Variants in CDK8 observed in about 807,000 individuals in gnomAD.
The protein encoded by CDK8 is cyclin dependent kinase 8.
A neutral mutation model predicts 71.5 loss-of-function variants in CDK8; 29 were observed. The observed-to-expected ratio is 0.41, with a 90% CI of 0.30 to 0.55. CDK8 has a LOEUF of 0.55. CDK8 is among the 20% of genes least tolerant of loss of function. CDK8 has a pLI of 0.37. For missense variants in CDK8, 288 were observed against 572.6 expected, an observed-to-expected ratio of 0.50 and a Z score of 5.07; for synonymous variants, 161 against 192.1, an observed-to-expected ratio of 0.84 and a Z score of 1.34.
chr13:26,351,069 T>C (rs1271997965), intron 3 of CDK8, among the ~76,000 whole-genome samples: 1 of 152,142 alleles, frequency 6.6e-6, no homozygotes, highest in Non-Finnish European at 1.5e-5. Context: ...GACATTCTTA[T>C]CAATCTGTAT....
At chr13:26,354,634 T>C (rs1238334573) in intron 4 of CDK8, among the ~76,000 whole-genome samples, 1 of 152,150 alleles carries the variant, frequency 6.6e-6, no homozygotes, top group Non-Finnish European at 1.5e-5. Flanking sequence ...CAGAACCCTA[T>C]TGTGAACTGC....
chr13:26,289,040 A>G (rs1176419177), intron 1 of CDK8, among the ~76,000 whole-genome samples: 1 of 140,858 alleles, frequency 7.1e-6, no homozygotes, highest in South Asian at 2.3e-4. Context: ...CATCCAGACT[A>G]AGCTTCTGTA....
At position 26,316,982 on chromosome 13, in the gene CDK8, C is replaced by A. The variant is rs9581633; in HGVS notation, c.129-20585C>A. ...AAAAACAACAAAAAAGATCTAGAAACAAAATGGAAATGTCAATTAAGAGAT... is the reference window on the plus strand; with the variant it reads ...AAAAACAACAAAAAAGATCTAGAAAAAAAATGGAAATGTCAATTAAGAGAT... On this transcript the variant is annotated intron_variant, in intron 1 of 12. Transcript: ENST00000381527. Among the ~76,000 whole-genome samples, 1,033 of 151,608 alleles carry A rather than the reference C, an allele frequency of 6.8e-3. 8 individuals are homozygous for A. The highest frequency in any genetic ancestry group is 0.024 in the Middle Eastern group (7 of 294).
At chr13:26,324,416 A>T (rs1260625553) in intron 1 of CDK8, among the ~76,000 whole-genome samples, 1 of 152,200 alleles carries the variant, frequency 6.6e-6, no homozygotes, top group African/African-American at 2.4e-5. Context: ...AAGGAGACAA[A>T]GACATTTTTA....
rs988950429 is a variant in CDK8, at chr13:26,360,105, G to A, written c.456+6225G>A. ...GGAATGCTTTTCTCATTCAGTTTGT[G>A]AAATAAATTTCAAAGTCAGTTAATA... On this transcript the variant is annotated intron_variant, in intron 4 of 12. Coordinates refer to ENST00000381527, the MANE Select transcript of CDK8 (RefSeq NM_001260.3). Among the ~76,000 whole-genome samples, 4 of 152,166 alleles carry A rather than the reference G, an allele frequency of 2.6e-5. No individual in the cohort carries two copies. In the South Asian group the frequency reaches 8.3e-4, roughly 31 times the overall value.
rs573294663 is a variant in CDK8 at position 26,339,822 on chromosome 13, G to A, written c.204+2180G>A. 1.2e-4 allele frequency among the ~76,000 whole-genome samples: 18 copies of A among 146,386 alleles called. No homozygotes were observed. The South Asian group carries it at 3.4e-3, about 28-fold the overall frequency. On this transcript the variant is annotated intron_variant, in intron 2 of 12. Coordinates refer to ENST00000381527, the MANE Select transcript of CDK8 (RefSeq NM_001260.3). The stretch of plus-strand genomic sequence containing the variant: ...TTCTGAACTCACTGGTAGGTTTTTG[G>A]TGATTGCTTGGGATTTTTTCTACAT...
At chr13:26,283,081 T>C (rs903173601) in intron 1 of CDK8, among the ~76,000 whole-genome samples, 2 of 152,116 alleles carry the variant, frequency 1.3e-5, no homozygotes, top group African/African-American at 2.4e-5. Context: ...ACTTAAGAAA[T>C]GGGATAGATG....
intron 1 of CDK8, among the ~76,000 whole-genome samples, chr13:26,304,157 C>T (rs771737419): frequency 3.0e-4 from 44 of 148,650 alleles, no homozygotes; most frequent in African/African-American, 9.5e-4. Flanking sequence ...TCCAGCTACT[C>T]GGGAGGCTGA....
intron 1 of CDK8, among the ~76,000 whole-genome samples, chr13:26,280,761 A>G (rs1030212352): frequency 1.5e-4 from 23 of 152,228 alleles, no homozygotes; most frequent in Admixed American, 5.2e-4. Flanking sequence ...CCACGTAGTC[A>G]TGCCCGATTC....
chr13:26,311,233 A>T (rs961712041), intron 1 of CDK8, among the ~76,000 whole-genome samples: 12 of 152,058 alleles, frequency 7.9e-5, no homozygotes, highest in African/African-American at 2.4e-4. Context: ...CTTTCACCTT[A>T]ATTCTTTGTA....
At chr13:26,332,480 A>G (rs1405657426) in intron 1 of CDK8, among the ~76,000 whole-genome samples, 2 of 61,072 alleles carry the variant, frequency 3.3e-5, no homozygotes, top group Non-Finnish European at 4.4e-5. Context: ...GCAAGACTCC[A>G]TATAATACAT....
chr13:26,269,440 C>G (rs1347944468), intron 1 of CDK8, among the ~76,000 whole-genome samples: 1 of 152,138 alleles, frequency 6.6e-6, no homozygotes, highest in African/African-American at 2.4e-5. Context: ...CTCTGCAGAT[C>G]CCCTTTAAGT....
chr13:26,371,710 G>A (rs547469863), intron 4 of CDK8, among the ~76,000 whole-genome samples: 1 of 152,162 alleles, frequency 6.6e-6, no homozygotes, highest in African/African-American at 2.4e-5. Flanking sequence ...CCGCCTCCCG[G>A]GTTCAAGTGA....
chr13:26,370,420 A>T (rs1023148031), intron 4 of CDK8, among the ~76,000 whole-genome samples: 7 of 152,218 alleles, frequency 4.6e-5, no homozygotes, highest in Non-Finnish European at 1.0e-4. Context: ...GTAGTCATAA[A>T]TATAACACAA....
intron 1 of CDK8, among the ~76,000 whole-genome samples, chr13:26,265,412 TGAAAGATAATTA>T (rs1216977705): frequency 6.6e-6 from 1 of 152,150 alleles, no homozygotes; most frequent in Non-Finnish European, 1.5e-5. Flanking sequence ...ACTTGTGACT[TGAAAGATAATTA>T]GAAATTGTGA....
Position 26,298,989 on chromosome 13 carries a change from A to G in CDK8, c.129-38578A>G, listed in dbSNP as rs117897862. On this transcript the variant is annotated intron_variant, in intron 1 of 12. Coordinates refer to ENST00000381527, the MANE Select transcript of CDK8 (RefSeq NM_001260.3). ...TGGATTTCATCCAATATGCTTTTCT[A>G]ATGCTAGAGCCAGTTGTTGGCATTC... Among the ~76,000 whole-genome samples, 1,027 of 152,164 alleles carry G rather than the reference A, an allele frequency of 6.7e-3. 8 individuals carry two copies. The highest frequency in any genetic ancestry group is 0.024 in the Middle Eastern group (7 of 294).
In CDK8 at chr13:26,368,182, A is replaced by G. The variant is rs12870604; in HGVS notation, c.456+14302A>G. Among the ~76,000 whole-genome samples, 1,171 of 152,276 alleles carry G rather than the reference A, an allele frequency of 7.7e-3. 8 individuals are homozygous for G. Among genetic ancestry groups the G allele is most frequent in the South Asian group, 0.014 (67 of 4,832 alleles). On this transcript the variant is annotated intron_variant, in intron 4 of 12. Coordinates refer to ENST00000381527, the MANE Select transcript of CDK8 (RefSeq NM_001260.3). ...ACACAGTCGAATTTTTCGGACTCCA[A>G]TAATTGCCTCATGGTCTTGCTGCTC...
At chr13:26,296,332 G>T (rs1472631354) in intron 1 of CDK8, among the ~76,000 whole-genome samples, 2 of 152,166 alleles carry the variant, frequency 1.3e-5, no homozygotes, top group African/African-American at 4.8e-5. Flanking sequence ...TTTGGACAAA[G>T]GGCTCTTTGG....
chr13:26,339,922 C>A (rs891795828), intron 2 of CDK8, among the ~76,000 whole-genome samples: 1 of 150,840 alleles, frequency 6.6e-6, no homozygotes, highest in Non-Finnish European at 1.5e-5. Flanking sequence ...TTTTCTTTAC[C>A]GAGCTGGTTA....
Sources: gnomAD v4.1 joint callset for allele counts (sites outside exome capture counted in the v4.1 genomes callset) on GRCh38, gnomAD v4.1.1 for gene constraint, MANE v1.5 for transcripts, NCBI Gene and HGNC (gene_info 2026-07-23, HGNC 2026-07-21) for gene names.